The following RFX6 variants were observed in gnomAD, a reference collection of about 807,000 sequenced individuals.
RFX6 encodes regulatory factor X6, also known as DNA-binding protein RFX6.
Under a neutral mutation model 110.8 loss-of-function variants are expected in RFX6, and 50 were observed. The ratio of observed to expected loss-of-function variants is 0.45; its 90% CI spans 0.36 to 0.57. RFX6 has a LOEUF of 0.57. Ranked by LOEUF, RFX6 falls within the 20% of genes least tolerant of loss-of-function variation. The pLI is 0.00. For synonymous variants in RFX6, 383 were observed against 411.2 expected (o/e 0.93, Z 0.83); for missense variants, 990 against 1,127.0 (o/e 0.88, Z 1.74).
chr6:116,892,769 T>G (rs1774859719), intron 4 of RFX6, among the ~76,000 whole-genome samples: 1 of 152,228 alleles, frequency 6.6e-6, no homozygotes, highest in Non-Finnish European at 1.5e-5. Context: ...TAGCTGTTCA[T>G]TAGCTCGATT....
chr6:116,883,054 T>C (rs1407475850), intron 4 of RFX6, among the ~76,000 whole-genome samples: 1 of 152,152 alleles, frequency 6.6e-6, no homozygotes, highest in Non-Finnish European at 1.5e-5. Context: ...TTTCAGTTTC[T>C]CCTTTCCTTC....
At chr6:116,895,033 C>A in intron 5 of RFX6, 147 bp from the exon 6 acceptor site, 2 of 531,048 alleles carry the variant, frequency 3.8e-6, no homozygotes, top group Non-Finnish European at 3.4e-6. Context: ...GAGAAAGATG[C>A]TTGATTTCTT....
intron 7 of RFX6, among the ~76,000 whole-genome samples, chr6:116,914,036 C>A (rs1775411838): frequency 2.6e-5 from 4 of 152,310 alleles, no homozygotes; most frequent in African/African-American, 9.6e-5. Flanking sequence ...TTTCTTCTAT[C>A]AAATTGTGTA....
At chr6:116,882,561 T>G in intron 4 of RFX6, 133 bp downstream of exon 4, 2 of 604,750 alleles carry the variant, frequency 3.3e-6, no homozygotes, top group Non-Finnish European at 2.9e-6. Context: ...TTATCAACTG[T>G]GAGAACTGAA....
chr6:116,926,388 T>A lies in RFX6; in HGVS notation c.1886-639T>A, dbSNP rs145946691. ...GTCTAAGGTTCTCTTTGTGTCAACA[T>A]GAATATTTGGTGGCTTGAACTAGCT... On this transcript the variant is annotated intron_variant, in intron 16 of 18. Coordinates refer to ENST00000332958, the MANE Select transcript of RFX6 (RefSeq NM_173560.4). Among the ~76,000 whole-genome samples, 326 of 152,344 alleles carry A rather than the reference T, an allele frequency of 2.1e-3. 1 individual carries two copies. Among genetic ancestry groups the A allele is most frequent in the African/African-American group, 6.8e-3 (284 of 41,590 alleles).
At chr6:116,910,674 T>C (rs966427806) in intron 6 of RFX6, among the ~76,000 whole-genome samples, 1 of 152,176 alleles carries the variant, frequency 6.6e-6, no homozygotes, top group Non-Finnish European at 1.5e-5. Context: ...TTGTGAAAAC[T>C]GACAAATATT....
chr6:116,928,258 T>C (rs1775796233), intron 17 of RFX6, among the ~76,000 whole-genome samples: 2 of 152,174 alleles, frequency 1.3e-5, no homozygotes, highest in African/African-American at 4.8e-5. Flanking sequence ...TTAAGGGAAT[T>C]AGAGAGACCT....
chr6:116,877,275 G>T lies in RFX6; in HGVS notation c.-1G>T, dbSNP rs1774477149. On this transcript the variant is annotated 5_prime_UTR_variant, in exon 1 of 19. Transcript: ENST00000332958. ...CGCGGAGGTGTCCGGCGGCCAGGAG[G>T]ATGGCCAAGGTCCCGGAGCTGGAAG... 6.2e-7 allele frequency: 1 copy of T among 1,607,798 alleles called. No individual in the cohort carries two copies. The highest frequency in any genetic ancestry group is 2.2e-5 in the East Asian group (1 of 44,482).
At chr6:116,897,470 C>T (rs1004495365) in intron 6 of RFX6, among the ~76,000 whole-genome samples, 2 of 152,064 alleles carry the variant, frequency 1.3e-5, no homozygotes, top group African/African-American at 2.4e-5. Context: ...AAAAAAAATT[C>T]TGCTTAGCTA....
At chr6:116,878,083 T>C (rs1003504313) in intron 2 of RFX6, 131 bp downstream of exon 2, 12 of 935,630 alleles carry the variant, frequency 1.3e-5, no homozygotes, top group Non-Finnish European at 1.8e-5. Flanking sequence ...CCAATTAGAA[T>C]TTAACCCAGA....
At chr6:116,910,513 C>T (rs9489064) in intron 6 of RFX6, among the ~76,000 whole-genome samples, 1,728 of 152,182 alleles carry the variant, frequency 0.011, 31 homozygotes, top group African/African-American at 0.039. Context: ...AATTATTTTA[C>T]GTTCAATCAT....
intron 3 of RFX6, among the ~76,000 whole-genome samples, chr6:116,882,103 C>A (rs1429045851): frequency 6.6e-6 from 1 of 151,980 alleles, no homozygotes; most frequent in East Asian, 1.9e-4. Context: ...TTTGGTAGTA[C>A]CATCAAGCAA....
intron 4 of RFX6, among the ~76,000 whole-genome samples, chr6:116,886,529 G>GATT (rs761094669): frequency 1.3e-5 from 2 of 152,180 alleles, no homozygotes; most frequent in African/African-American, 4.8e-5. Context: ...ACAAAGAGAT[G>GATT]ATTAGTAGGG....
intron 6 of RFX6, 34 bp downstream of exon 6, chr6:116,895,241 CTATAA>C (rs770725585): frequency 8.4e-7 from 1 of 1,183,742 alleles, no homozygotes; most frequent in Non-Finnish European, 1.3e-6. Flanking sequence ...TTTACATCTG[CTATAA>C]TATGTCTTAC....
At chr6:116,921,963 T>C (rs905350263) in intron 12 of RFX6, 79 bp from the exon 13 acceptor site, 5 of 723,034 alleles carry the variant, frequency 6.9e-6, no homozygotes, top group South Asian at 3.1e-5. Context: ...GATTCCAAGT[T>C]TTAGGTTTTC....
intron 2 of RFX6, among the ~76,000 whole-genome samples, chr6:116,879,597 G>A (rs1452493080): frequency 4.0e-5 from 6 of 151,714 alleles, no homozygotes; most frequent in Admixed American, 3.9e-4. Context: ...AATCTTTGAA[G>A]GGTTTCATCC....
Position 116,927,373 on chromosome 6 carries a change from T to C in RFX6, c.2232T>C (p.Cys744=). ...QLSRDFFSGS[C]AGSPYNSRPP... is the part of the protein sequence containing the mutation. ...CAAGAGACTTCTTCAGTGGCAGCTGTGCGGGGTCTCCATATAACTCCCGGC... is the reference window on the plus strand; with the variant it reads ...CAAGAGACTTCTTCAGTGGCAGCTGCGCGGGGTCTCCATATAACTCCCGGC... Residue 744 remains cysteine, a synonymous_variant, in exon 17 of 19, where the codon TGT becomes TGC. Coordinates refer to ENST00000332958, the MANE Select transcript of RFX6 (RefSeq NM_173560.4). 6.2e-7 allele frequency: 1 copy of C among 1,613,966 alleles called. No homozygotes were observed. The highest frequency in any genetic ancestry group is 8.5e-7 in the Non-Finnish European group (1 of 1,179,870).
chr6:116,914,394 C>A (rs1472941790), intron 7 of RFX6, among the ~76,000 whole-genome samples: 2 of 152,098 alleles, frequency 1.3e-5, no homozygotes, highest in Admixed American at 6.5e-5. Flanking sequence ...CATGGGAGAG[C>A]AGATATCTCT....
chr6:116,923,071 G>C (rs371308710), intron 13 of RFX6, 36 bp from the exon 14 acceptor site: 2 of 1,099,252 alleles, frequency 1.8e-6, no homozygotes, highest in Admixed American at 1.7e-5. Flanking sequence ...CTGAGAGGAC[G>C]GATTTTATAG....
Sources: allele counts gnomAD v4.1 joint callset (sites outside exome capture counted in the v4.1 genomes callset), GRCh38; gene constraint gnomAD v4.1.1; transcripts MANE v1.5; gene names NCBI Gene and HGNC (gene_info 2026-07-23, HGNC 2026-07-21).